Variants in SHANK2 observed in about 807,000 individuals in gnomAD.
The protein encoded by SHANK2 is SH3 and multiple ankyrin repeat domains protein 2.
SHANK2 carries 43 observed loss-of-function variants against 133.7 expected under a neutral mutation model. That is an observed-to-expected ratio of 0.32 (90% confidence interval 0.25 to 0.41). SHANK2 has a LOEUF of 0.41. SHANK2 is among the 10% of genes least tolerant of loss of function. SHANK2 has a pLI of 1.00. For synonymous variants in SHANK2, 1,017 were observed against 952.8 expected (o/e 1.07, Z -1.24); for missense variants, 1,994 against 2,235.8 (o/e 0.89, Z 2.18).
chr11:70,613,883 G>C (rs1357288605), intron 17 of SHANK2, among the ~76,000 whole-genome samples: 5 of 151,296 alleles, frequency 3.3e-5, no homozygotes, highest in African/African-American at 1.2e-4. Flanking sequence ...TCCTGCCTCA[G>C]CCTCCCAAGT....
intron 17 of SHANK2, among the ~76,000 whole-genome samples, chr11:70,649,808 G>A (rs910111746): frequency 6.6e-6 from 1 of 152,202 alleles, no homozygotes; most frequent in Admixed American, 6.5e-5. Flanking sequence ...GAAAAAGATG[G>A]CTGTTAAGAT....
At chr11:71,221,437 A>G (rs1954539818) in intron 2 of SHANK2, among the ~76,000 whole-genome samples, 1 of 152,124 alleles carries the variant, frequency 6.6e-6, no homozygotes, top group Non-Finnish European at 1.5e-5. Flanking sequence ...CTTCCCTGGC[A>G]AATGCCGCTT....
In SHANK2 at chr11:70,502,151, C is replaced by T. The variant is rs185641776; in HGVS notation, c.2278+55G>A. 9 of 1,526,340 alleles carry T rather than the reference C, an allele frequency of 5.9e-6. No homozygotes were observed. In the Admixed American group the frequency reaches 9.8e-5, roughly 17 times the overall value. The allele number at this position is 1,526,340 out of a possible 1,614,324, so 94.5% of individuals were successfully genotyped here. A position where few individuals can be genotyped will look rare whatever the true frequency, so the allele number is the denominator to read the frequency against. On this transcript the variant is annotated intron_variant, in intron 19 of 25. Coordinates refer to ENST00000601538, the MANE Select transcript of SHANK2 (RefSeq NM_012309.5). ...GCACAGCCTGGTGCTTTGCAAAGGG[C>T]AGCTCAGGGACCGGCATGGTGACTG...
intron 11 of SHANK2, among the ~76,000 whole-genome samples, chr11:70,877,962 A>C (rs1949595891): frequency 6.6e-6 from 1 of 152,226 alleles, no homozygotes; most frequent in African/African-American, 2.4e-5. Context: ...GCTGGGGAAA[A>C]GAGAAGACGT....
intron 17 of SHANK2, among the ~76,000 whole-genome samples, chr11:70,539,536 G>A (rs1315822749): frequency 2.2e-5 from 2 of 91,886 alleles, no homozygotes; most frequent in African/African-American, 6.9e-5. Context: ...ACGCTCACTC[G>A]CCACGCTCAC....
rs553674355 is a variant in SHANK2 at position 70,713,352 on chromosome 11, C to A, written c.1778-14589G>T. Among the ~76,000 whole-genome samples the A allele has an allele frequency of 4.6e-5, 7 of 152,392 alleles. No individual in the cohort carries two copies. In the South Asian group the frequency reaches 1.2e-3, roughly 27 times the overall value. ...TGGTTGTACTGCAAGATGAGTGAAG[C>A]ACCTTAAGAAGAACACGGGTTACAG... On this transcript the variant is annotated intron_variant, in intron 14 of 25. Transcript: ENST00000601538.
intron 14 of SHANK2, among the ~76,000 whole-genome samples, chr11:70,792,386 GCCAACCAGCCAACCAA>G (rs1427124012): frequency 7.8e-6 from 1 of 128,320 alleles, no homozygotes; most frequent in African/African-American, 3.2e-5. Context: ...CAACCAACCA[GCCAACCAGCCAACCAA>G]CCAACCAACC....
intron 15 of SHANK2, among the ~76,000 whole-genome samples, chr11:70,683,587 A>C (rs544910865): frequency 1.3e-5 from 2 of 152,306 alleles, no homozygotes; most frequent in Admixed American, 6.5e-5. Flanking sequence ...CCAGAGGTGC[A>C]GTATCAGCAT....
chr11:71,080,341 C>T (rs1244874397), intron 8 of SHANK2, among the ~76,000 whole-genome samples: 5 of 152,200 alleles, frequency 3.3e-5, no homozygotes, highest in African/African-American at 1.2e-4. Context: ...CCCACCCGCC[C>T]TGTGCAACCA....
intron 3 of SHANK2, among the ~76,000 whole-genome samples, chr11:71,141,908 C>T (rs111587608): frequency 0.012 from 1,756 of 152,032 alleles, 30 homozygotes; most frequent in African/African-American, 0.04. Flanking sequence ...ACAGGGACCC[C>T]GCACAGACAC....
At chr11:71,151,404 C>A (rs1555108068) in intron 2 of SHANK2, among the ~76,000 whole-genome samples, 2 of 152,196 alleles carry the variant, frequency 1.3e-5, no homozygotes, top group African/African-American at 4.8e-5. Flanking sequence ...TCCGGCCTCA[C>A]CCCTCAGCTT....
intron 9 of SHANK2, among the ~76,000 whole-genome samples, chr11:71,059,748 G>A (rs1376175128): frequency 3.3e-5 from 5 of 152,210 alleles, no homozygotes; most frequent in South Asian, 2.1e-4. Context: ...ACAGGTGGGC[G>A]GATCTGAGTT....
intron 2 of SHANK2, among the ~76,000 whole-genome samples, chr11:71,174,466 G>T (rs1555112774): frequency 6.6e-6 from 1 of 152,012 alleles, no homozygotes; most frequent in African/African-American, 2.4e-5. Context: ...CGGATCACGA[G>T]GTCAGGAGTT....
intron 3 of SHANK2, among the ~76,000 whole-genome samples, chr11:71,140,524 C>G (rs150767666): frequency 1.3e-5 from 2 of 152,358 alleles, no homozygotes; most frequent in Non-Finnish European, 2.9e-5. Flanking sequence ...ACCCTTGCCC[C>G]AGTGCCGATG....
intron 14 of SHANK2, among the ~76,000 whole-genome samples, chr11:70,727,937 G>C (rs1002539299): frequency 6.6e-6 from 1 of 152,332 alleles, no homozygotes; most frequent in Non-Finnish European, 1.5e-5. Context: ...GGAGGCGAGA[G>C]GTGTTCTGAT....
intron 17 of SHANK2, among the ~76,000 whole-genome samples, chr11:70,655,764 G>T (rs570995674): frequency 6.6e-6 from 1 of 152,238 alleles, no homozygotes; most frequent in South Asian, 2.1e-4. Context: ...CTTGTGTTTG[G>T]GTCGAGGAGA....
chr11:71,149,610 A>G (rs1407282811), intron 2 of SHANK2, among the ~76,000 whole-genome samples: 2 of 151,606 alleles, frequency 1.3e-5, no homozygotes, highest in Non-Finnish European at 2.9e-5. Context: ...GGTAGAGAGG[A>G]GGGTAGTAGG....
intron 11 of SHANK2, among the ~76,000 whole-genome samples, chr11:70,874,330 AT>A (rs1949521483): frequency 2.6e-5 from 4 of 152,060 alleles, no homozygotes; most frequent in African/African-American, 9.7e-5. Flanking sequence ...CTATCTATCT[AT>A]CCATGATTTA....
intron 11 of SHANK2, among the ~76,000 whole-genome samples, chr11:70,842,886 G>A (rs993858958): frequency 4.6e-5 from 7 of 152,176 alleles, no homozygotes; most frequent in African/African-American, 9.6e-5. Flanking sequence ...AGAATAACAC[G>A]GACGGTGGAA....
Sources: gnomAD v4.1 joint callset for allele counts (sites outside exome capture counted in the v4.1 genomes callset) on GRCh38, gnomAD v4.1.1 for gene constraint, MANE v1.5 for transcripts, NCBI Gene and HGNC (gene_info 2026-07-23, HGNC 2026-07-21) for gene names.